The following SCFD2 variants were observed in gnomAD, a reference collection of about 807,000 sequenced individuals.
The protein encoded by SCFD2 is sec1 family domain-containing protein 2.
Under a neutral mutation model 58.9 loss-of-function variants are expected in SCFD2, and 54 were observed. The observed-to-expected ratio is 0.92, with a 90% CI of 0.74 to 1.15. The LOEUF (loss-of-function observed/expected upper bound fraction) is 1.15. SCFD2 is among the 50% of genes most tolerant of loss of function. The pLI, the probability that SCFD2 is intolerant of heterozygous loss-of-function variation, is 0.00. For missense variants in SCFD2, 805 were observed against 836.6 expected (o/e 0.96, Z 0.47); for synonymous variants, 321 against 335.9 (o/e 0.96, Z 0.49).
intron 8 of SCFD2, among the ~76,000 whole-genome samples, chr4:52,884,993 C>A (rs1044988068): frequency 2.0e-5 from 3 of 152,166 alleles, no homozygotes; most frequent in African/African-American, 7.2e-5. Flanking sequence ...CTTTTCCCTC[C>A]CAGATCACCT....
chr4:53,313,792 G>A (rs1384789560), intron 2 of SCFD2, 29 bp from the exon 3 acceptor site: 7 of 1,612,098 alleles, frequency 4.3e-6, no homozygotes, highest in Non-Finnish European at 5.9e-6. Flanking sequence ...AAGAGCTTTA[G>A]AATAAATTTC....
At chr4:53,263,969 G>A (rs1276810059) in intron 4 of SCFD2, among the ~76,000 whole-genome samples, 1 of 152,158 alleles carries the variant, frequency 6.6e-6, no homozygotes, top group African/African-American at 2.4e-5. Context: ...GAGGCTTGCT[G>A]CAGCTACTGT....
At chr4:53,122,796 G>C (rs1274619820) in intron 5 of SCFD2, among the ~76,000 whole-genome samples, 1 of 152,022 alleles carries the variant, frequency 6.6e-6, no homozygotes, top group Non-Finnish European at 1.5e-5. Flanking sequence ...AAGTACGCAA[G>C]GCATTTTATA....
chr4:53,163,119 C>G (rs1382534513), intron 4 of SCFD2, among the ~76,000 whole-genome samples: 1 of 152,160 alleles, frequency 6.6e-6, no homozygotes, highest in Non-Finnish European at 1.5e-5. Context: ...GGACAAGGCC[C>G]TGGAGTCCTC....
intron 5 of SCFD2, among the ~76,000 whole-genome samples, chr4:53,121,809 A>C (rs1390072209): frequency 6.6e-6 from 1 of 152,210 alleles, no homozygotes; most frequent in Non-Finnish European, 1.5e-5. Flanking sequence ...TATTACATAA[A>C]CATAACTAAT....
chr4:52,944,493 T>C (rs965951306), intron 5 of SCFD2, among the ~76,000 whole-genome samples: 1 of 152,190 alleles, frequency 6.6e-6, no homozygotes, highest in African/African-American at 2.4e-5. Flanking sequence ...AACTATATTA[T>C]TCAGTTCTTT....
intron 4 of SCFD2, among the ~76,000 whole-genome samples, chr4:53,267,874 C>T (rs1731037990): frequency 6.6e-6 from 1 of 152,136 alleles, no homozygotes; most frequent in Admixed American, 6.5e-5. Context: ...TAAAAAATGG[C>T]TTAGAATTAA....
chr4:53,281,711 T>C (rs761539465), intron 3 of SCFD2, among the ~76,000 whole-genome samples: 7 of 152,214 alleles, frequency 4.6e-5, no homozygotes, highest in Admixed American at 2.0e-4. Context: ...AAACAAAAGA[T>C]TGCAACACCT....
chr4:52,956,033 T>A (rs1271036271), intron 5 of SCFD2: 2 of 456,608 alleles, frequency 4.4e-6, no homozygotes, highest in South Asian at 3.1e-5. Context: ...ACTTCAGATT[T>A]GTTGGTGAAG....
intron 3 of SCFD2, among the ~76,000 whole-genome samples, chr4:53,304,334 C>T (rs1160664339): frequency 2.6e-5 from 4 of 152,036 alleles, no homozygotes; most frequent in African/African-American, 9.7e-5. Flanking sequence ...GGAGTATCTT[C>T]GTGGTGTTCT....
At position 53,365,843 on chromosome 4, in the gene SCFD2, G is replaced by C. The variant is rs771769294; in HGVS notation, c.99C>G (p.Ala33=). Reference sequence around the variant, plus strand: ...ATCCGCAGCCCCAGTGCAGGCTCTCGGCGCAGGCGGCGTCCAGGTAAACCA... The same window carrying C: ...ATCCGCAGCCCCAGTGCAGGCTCTCCGCGCAGGCGGCGTCCAGGTAAACCA... ...RAVVYLDAAC[A]ESLHWGCGST... Residue 33 remains alanine, a synonymous_variant, in exon 1 of 9, where the codon GCC becomes GCG. Coordinates refer to ENST00000401642, the MANE Select transcript of SCFD2 (RefSeq NM_152540.4). This position sits in a 1 kb window ranked among gnomAD's most constrained non-coding sequence, Gnocchi z 4.3. 9 of 1,613,206 alleles carry C rather than the reference G, an allele frequency of 5.6e-6. No individual in the cohort carries two copies. The highest frequency in any genetic ancestry group is 1.1e-5 in the South Asian group (1 of 91,018).
intron 4 of SCFD2, among the ~76,000 whole-genome samples, chr4:53,266,203 A>T (rs1400485557): frequency 6.6e-6 from 1 of 152,214 alleles, no homozygotes; most frequent in African/African-American, 2.4e-5. Flanking sequence ...TGACAAACTC[A>T]TTCTTCCTTA....
At position 53,251,662 on chromosome 4, in the gene SCFD2, G is replaced by T. The variant is rs1007837820; in HGVS notation, c.1311+22164C>A. On this transcript the variant is annotated intron_variant, in intron 4 of 8. Transcript: ENST00000401642. The stretch of plus-strand genomic sequence containing the variant: ...TGATTATCTCAATAGATGCAGAAAA[G>T]GCCTTTGACAAAATTCAACAACCCT... Among the ~76,000 whole-genome samples the T allele has an allele frequency of 7.9e-5, 12 of 151,914 alleles. 1 individual carries two copies. The highest frequency in any genetic ancestry group is 2.6e-4 in the Admixed American group (4 of 15,248).
chr4:53,329,154 A>C (rs2149128865), intron 2 of SCFD2, among the ~76,000 whole-genome samples: 1 of 152,342 alleles, frequency 6.6e-6, no homozygotes, highest in East Asian at 1.9e-4. Flanking sequence ...GCAAGGTGGC[A>C]GCGAGGCTGG....
At chr4:52,988,982 T>A (rs766776499) in intron 5 of SCFD2, among the ~76,000 whole-genome samples, 1 of 152,366 alleles carries the variant, frequency 6.6e-6, no homozygotes, top group Non-Finnish European at 1.5e-5. Flanking sequence ...ACTTTATATA[T>A]TTTATCCCTA....
intron 4 of SCFD2, among the ~76,000 whole-genome samples, chr4:53,153,281 T>G (rs192673962): frequency 3.9e-5 from 6 of 152,268 alleles, no homozygotes; most frequent in Non-Finnish European, 7.4e-5. Flanking sequence ...CAATACATCT[T>G]CTGAAATCTA....
chr4:53,260,378 C>T (rs1464258904), intron 4 of SCFD2, among the ~76,000 whole-genome samples: 1 of 152,058 alleles, frequency 6.6e-6, no homozygotes, highest in Non-Finnish European at 1.5e-5. Context: ...TCATGGACAA[C>T]CTTTATTACC....
intron 5 of SCFD2, among the ~76,000 whole-genome samples, chr4:53,066,719 T>C (rs73250929): frequency 2.0e-5 from 3 of 152,176 alleles, no homozygotes; most frequent in Non-Finnish European, 4.4e-5. Flanking sequence ...TCCCTGCCTA[T>C]TTCACGCCAA....
At chr4:53,168,354 C>T (rs1443203703) in intron 4 of SCFD2, among the ~76,000 whole-genome samples, 2 of 152,180 alleles carry the variant, frequency 1.3e-5, no homozygotes, top group Admixed American at 6.5e-5. Context: ...AAGGAAACCA[C>T]CCCTGATTTA....
Sources: allele counts gnomAD v4.1 joint callset (sites outside exome capture counted in the v4.1 genomes callset), GRCh38; gene constraint gnomAD v4.1.1; non-coding constraint Gnocchi (gnomAD v3.1); transcripts MANE v1.5; gene names NCBI Gene and HGNC (gene_info 2026-07-23, HGNC 2026-07-21).